Variants in CD4 observed in about 807,000 individuals in gnomAD.
CD4 encodes the protein T-cell surface glycoprotein CD4.
Under a neutral mutation model 50.5 loss-of-function variants are expected in CD4, and 25 were observed. That is an observed-to-expected ratio of 0.49 (90% CI 0.36 to 0.69). The LOEUF is 0.69. Ranked by LOEUF, CD4 falls within the 30% of genes least tolerant of loss-of-function variation. The probability of loss-of-function intolerance (pLI) is 0.00; values close to 1 mark genes in which losing one functional copy is unlikely to be tolerated. For missense variants in CD4, 456 were observed against 548.5 expected (o/e 0.83, Z 1.68); for synonymous variants, 207 against 221.9 (o/e 0.93, Z 0.60).
intron 1 of CD4, among the ~76,000 whole-genome samples, chr12:6,790,814 G>A (rs1942135035): frequency 6.6e-6 from 1 of 152,200 alleles, no homozygotes; most frequent in Admixed American, 6.5e-5. Flanking sequence ...AAACGGAAAG[G>A]CCCTGTTCTC....
chr12:6,806,968 C>G (rs1240522664), intron 3 of CD4, among the ~76,000 whole-genome samples: 1 of 152,122 alleles, frequency 6.6e-6, no homozygotes, highest in East Asian at 1.9e-4. Flanking sequence ...GAGATCGAGA[C>G]CATCCTGGCT....
In CD4 at chr12:6,816,333, A is replaced by T. The variant is rs201060043; in HGVS notation, c.885A>T (p.Gly295=). 17 of 1,614,188 alleles carry T rather than the reference A, an allele frequency of 1.1e-5. No homozygotes were observed. Among genetic ancestry groups the T allele is most frequent in the Non-Finnish European group, 1.4e-5 (17 of 1,180,010 alleles). The part of the protein sequence containing the change: ...PQALPQYAGS[G]NLTLALEAKT... Reference sequence around the variant, plus strand: ...CCTTGCCTCAGTATGCTGGCTCTGGAAACCTCACCCTGGCCCTTGAAGCGA... The same window carrying T: ...CCTTGCCTCAGTATGCTGGCTCTGGTAACCTCACCCTGGCCCTTGAAGCGA... The change falls in exon 6 of 10, where the codon GGA becomes GGT. Residue 295 remains glycine, a synonymous_variant. Transcript: ENST00000011653. The surrounding 1 kb of genome is among the most constrained non-coding windows in gnomAD (Gnocchi z 4.9).
rs113196432 is a variant in CD4, at chr12:6,814,721, T to A, written c.374-38T>A. On this transcript the variant is annotated intron_variant, in intron 4 of 9. Transcript: ENST00000011653. ...TGTTGTCTGCCCTTCTCCTTGGGGATGGTATGTGTGTGACACAGCTGGCCT... is the reference window on the plus strand; with the variant it reads ...TGTTGTCTGCCCTTCTCCTTGGGGAAGGTATGTGTGTGACACAGCTGGCCT... 48 of 1,420,788 alleles carry A rather than the reference T, an allele frequency of 3.4e-5. No homozygotes were observed. In the African/African-American group the frequency reaches 4.8e-4, roughly 14 times the overall value. The allele number at this position is 1,420,788 out of a possible 1,614,324, so 88.0% of individuals were successfully genotyped here. A position where few individuals can be genotyped will look rare whatever the true frequency, so the allele number is the denominator to read the frequency against.
At chr12:6,800,896 G>GAA (rs201610908) in intron 3 of CD4, among the ~76,000 whole-genome samples, 15 of 148,382 alleles carry the variant, frequency 1.0e-4, no homozygotes, top group East Asian at 4.0e-4. Flanking sequence ...CTGTCTCTAT[G>GAA]AAAAAAAATA....
chr12:6,801,312 T>C (rs1942538313), intron 3 of CD4, among the ~76,000 whole-genome samples: 1 of 146,354 alleles, frequency 6.8e-6, no homozygotes, highest in Admixed American at 6.8e-5. Flanking sequence ...NGGTCAGGAG[T>C]TCAAGACCAG....
chr12:6,800,853 G>A (rs1660312296), intron 3 of CD4, among the ~76,000 whole-genome samples: 1 of 151,828 alleles, frequency 6.6e-6, no homozygotes, highest in African/African-American at 2.4e-5. Context: ...GAGTCCAGGA[G>A]TTCAAGACCA....
Position 6,809,666 on chromosome 12 carries a change from C to T in CD4, c.215-4476C>T, listed in dbSNP as rs12317706. On this transcript the variant is annotated intron_variant, in intron 3 of 9. Coordinates refer to ENST00000011653, the MANE Select transcript of CD4 (RefSeq NM_000616.5). ...TTCCCTTCCCCCTGCTGCAGCATTG[C>T]CTTCCAAAGCCATGCTTTGCACATG... Among the ~76,000 whole-genome samples the T allele has an allele frequency of 9.6e-3, 1,459 of 152,192 alleles. 19 individuals carry two copies. The highest frequency in any genetic ancestry group is 0.033 in the African/African-American group (1,359 of 41,512).
Position 6,816,029 on chromosome 12 carries a change from C to T in CD4, c.608-27C>T. 1 of 1,613,592 alleles carries T rather than the reference C, an allele frequency of 6.2e-7. No homozygotes were observed. Among genetic ancestry groups the T allele is most frequent in the Non-Finnish European group, 8.5e-7 (1 of 1,179,890 alleles). On this transcript the variant is annotated intron_variant, in intron 5 of 9. Coordinates refer to ENST00000011653, the MANE Select transcript of CD4 (RefSeq NM_000616.5). This position sits in a 1 kb window ranked among gnomAD's most constrained non-coding sequence, Gnocchi z 4.9. ...CACCCTCATCTTCCTATCTCCTCAC[C>T]CAGGGTCTCTCCCTTCCCACCTCCA...
chr12:6,817,267 G>T lies in CD4; in HGVS notation c.1093G>T (p.Ala365Ser), dbSNP rs1555118111. ...GGCGGTGTGGGTGCTGAACCCTGAG[G>T]CGGGGATGTGGCAGTGTCTGCTGAG... Reference protein sequence around the residue: ...EKAVWVLNPEAGMWQCLLSDS... With the variant: ...EKAVWVLNPESGMWQCLLSDS... Residue 365 changes from alanine (A) to serine (S), a missense_variant, in exon 7 of 10, where the codon GCG becomes TCG. Physicochemically the swap from Ala to Ser is moderately conservative, Grantham distance 99 (BLOSUM62 1). Transcript: ENST00000011653. 2 of 1,594,780 alleles carry T rather than the reference G, an allele frequency of 1.3e-6. No individual in the cohort carries two copies. The highest frequency in any genetic ancestry group is 1.7e-6 in the Non-Finnish European group (2 of 1,169,494).
At chr12:6,794,786 G>T (rs12322520) in intron 1 of CD4, among the ~76,000 whole-genome samples, 25,002 of 101,818 alleles carry the variant, frequency 0.25, 3,247 homozygotes, top group South Asian at 0.4. Context: ...TTTTTTTTTT[G>T]TTTTTTTTTT....
chr12:6,804,496 A>G (rs1942665327), intron 3 of CD4, among the ~76,000 whole-genome samples: 1 of 152,242 alleles, frequency 6.6e-6, no homozygotes, highest in Non-Finnish European at 1.5e-5. Flanking sequence ...AGAATATAAG[A>G]TAAACATAAA....
rs1555117915 is a variant in CD4 at position 6,816,226 on chromosome 12, G to A, written c.778G>A (p.Glu260Lys). 1.2e-6 allele frequency: 2 copies of A among 1,614,188 alleles called. No homozygotes were observed. Among genetic ancestry groups the A allele is most frequent in the Admixed American group, 3.3e-5 (2 of 60,024 alleles). ...GATCACCTTTGACCTGAAGAACAAG[G>A]AAGTGTCTGTAAAACGGGTTACCCA... ...SWITFDLKNK[E>K]VSVKRVTQDP... The change falls in exon 6 of 10, where the codon GAA becomes AAA. Residue 260 changes from glutamate (E) to lysine (K), a missense_variant. Transcript: ENST00000011653. The surrounding 1 kb of genome is among the most constrained non-coding windows in gnomAD (Gnocchi z 4.9).
In CD4 at chr12:6,800,077, G is replaced by C; in HGVS notation, c.-62G>C. 6.8e-7 allele frequency: 1 copy of C among 1,460,238 alleles called. No individual in the cohort carries two copies. The highest frequency in any genetic ancestry group is 9.6e-7 in the Non-Finnish European group (1 of 1,040,680). 90.5% of individuals were successfully genotyped at this position (1,460,238 alleles called of 1,614,324 possible). A position where few individuals can be genotyped will look rare whatever the true frequency, so the allele number is the denominator to read the frequency against. On this transcript the variant is annotated 5_prime_UTR_variant, in exon 2 of 10. Transcript: ENST00000011653. ...ATGATTGGCATTTCCCTCAGGCCCT[G>C]CCATTTCTGTGGGCTCAGGTCCCTA... is the stretch of plus-strand genomic sequence containing the variant.
At chr12:6,805,391 C>T (rs1942712226) in intron 3 of CD4, among the ~76,000 whole-genome samples, 1 of 151,258 alleles carries the variant, frequency 6.6e-6, no homozygotes, top group East Asian at 1.9e-4. Context: ...GGTGAAACCC[C>T]GTCTCTACTA....
At position 6,800,304 on chromosome 12, in the gene CD4, T is replaced by A. The variant is rs782733413; in HGVS notation, c.50-3T>A. The A allele has an allele frequency of 6.2e-7, 1 of 1,613,668 alleles. No homozygotes were observed. The highest frequency in any genetic ancestry group is 8.5e-7 in the Non-Finnish European group (1 of 1,179,906). On this transcript the variant is annotated splice_polypyrimidine_tract_variant and splice_region_variant and intron_variant, in intron 2 of 9. Coordinates refer to ENST00000011653, the MANE Select transcript of CD4 (RefSeq NM_000616.5). ...AGACCTGACTCCTTTCTTTTCCACTTAGCGCTCCTCCCAGCAGCCACTCAG... is the reference window on the plus strand; with the variant it reads ...AGACCTGACTCCTTTCTTTTCCACTAAGCGCTCCTCCCAGCAGCCACTCAG...
chr12:6,811,947 T>C (rs1362210107), intron 3 of CD4, among the ~76,000 whole-genome samples: 1 of 152,186 alleles, frequency 6.6e-6, no homozygotes, highest in Non-Finnish European at 1.5e-5. Context: ...GTAGCTGGGA[T>C]TACAGGCATG....
chr12:6,805,616 G>A (rs1029185770), intron 3 of CD4, among the ~76,000 whole-genome samples: 1 of 151,446 alleles, frequency 6.6e-6, no homozygotes, highest in Non-Finnish European at 1.5e-5. Context: ...AAAACTACAC[G>A]ATGCTGATTA....
At position 6,818,687 on chromosome 12, in the gene CD4, A is replaced by C. The variant is rs367612414; in HGVS notation, c.1278+145A>C. The C allele has an allele frequency of 3.6e-5, 44 of 1,222,336 alleles. 1 individual carries two copies. In the South Asian group the frequency reaches 3.8e-4, roughly 11 times the overall value. The allele number at this position is 1,222,336 out of a possible 1,614,324, so 75.7% of individuals were successfully genotyped here. On this transcript the variant is annotated intron_variant, in intron 8 of 9. Coordinates refer to ENST00000011653, the MANE Select transcript of CD4 (RefSeq NM_000616.5). The surrounding 1 kb of genome is among the most constrained non-coding windows in gnomAD (Gnocchi z 5.0). ...TGCTGCCCTGTCCCAGATCCCACTC[A>C]AGGGAGAGACAGGAAGGAGCAGAGA...
intron 3 of CD4, 59 bp downstream of exon 3, chr12:6,800,530 G>C: frequency 2.7e-6 from 4 of 1,458,074 alleles, no homozygotes; most frequent in Non-Finnish European, 3.7e-6. Context: ...GAAAGCCTTT[G>C]GTGTCTGAGA....
Sources: allele counts gnomAD v4.1 joint callset (sites outside exome capture counted in the v4.1 genomes callset), GRCh38; gene constraint gnomAD v4.1.1; non-coding constraint Gnocchi (gnomAD v3.1); transcripts MANE v1.5; gene names NCBI Gene and HGNC (gene_info 2026-07-23, HGNC 2026-07-21).